GLG1: variants seen among roughly 807,000 people sequenced by gnomAD.
The protein encoded by GLG1 is golgi glycoprotein 1, also known as Golgi apparatus protein 1.
In GLG1, 38 loss-of-function variants were observed where a neutral mutation model predicts 160.5. That is an observed-to-expected ratio of 0.24 (90% CI 0.18 to 0.31). The LOEUF is 0.31. Ranked by LOEUF, GLG1 falls within the 10% of genes least tolerant of loss-of-function variation. The pLI is 1.00. For missense variants in GLG1, 1,373 were observed against 1,505.2 expected, an observed-to-expected ratio of 0.91 and a Z score of 1.45; for synonymous variants, 644 against 543.4, an observed-to-expected ratio of 1.19 and a Z score of -2.57.
chr16:74,539,892 C>A (rs2017785703), intron 1 of GLG1, among the ~76,000 whole-genome samples: 1 of 140,614 alleles, frequency 7.1e-6, no homozygotes, highest in Non-Finnish European at 1.5e-5. Context: ...AGTATAATTT[C>A]TCATCTTCTA....
intron 25 of GLG1, among the ~76,000 whole-genome samples, chr16:74,454,666 CAAAAAAAAAAAAAAAAAAAAA>C (rs58759187): frequency 2.1e-4 from 8 of 38,496 alleles, no homozygotes; most frequent in African/African-American, 3.8e-4. Flanking sequence ...AATCCGTCCC[CAAAAAAAAAAAAAAAAAAAAA>C]AAAAAAAAAA....
chr16:74,488,154 T>G (rs2015857753), intron 8 of GLG1, among the ~76,000 whole-genome samples: 1 of 151,992 alleles, frequency 6.6e-6, no homozygotes, highest in Non-Finnish European at 1.5e-5. Flanking sequence ...GAGAAATCAC[T>G]AAATCAATCA....
intron 2 of GLG1, among the ~76,000 whole-genome samples, chr16:74,522,918 A>G (rs946953284): frequency 6.6e-6 from 1 of 152,218 alleles, no homozygotes; most frequent in Admixed American, 6.5e-5. Flanking sequence ...CTCTGGGCTC[A>G]TGCAGTCCTC....
intron 1 of GLG1, 86 bp downstream of exon 1, chr16:74,606,571 C>G (rs1958571519): frequency 5.2e-6 from 6 of 1,159,222 alleles, no homozygotes; most frequent in Middle Eastern, 2.5e-4. Flanking sequence ...GGAAAGCAGC[C>G]GACCGGCGTC....
chr16:74,567,916 T>C (rs1188678287), intron 1 of GLG1, among the ~76,000 whole-genome samples: 3 of 152,104 alleles, frequency 2.0e-5, no homozygotes, highest in African/African-American at 4.8e-5. Context: ...GGCTTTCTTT[T>C]GGGGATTCAC....
intron 22 of GLG1, among the ~76,000 whole-genome samples, chr16:74,460,914 A>C (rs1193593039): frequency 1.3e-5 from 2 of 152,250 alleles, no homozygotes; most frequent in African/African-American, 4.8e-5. Context: ...CAGACTCTCA[A>C]CTTGAAAGTG....
At chr16:74,454,571 C>T (rs1408129999) in intron 25 of GLG1, among the ~76,000 whole-genome samples, 1 of 134,216 alleles carries the variant, frequency 7.5e-6, no homozygotes, top group Non-Finnish European at 1.5e-5. Flanking sequence ...GAGGCTGAGG[C>T]AGGATAATTG....
chr16:74,449,607 G>C lies in GLG1; in HGVS notation c.*3560C>G, dbSNP rs2014207223. ...CCAGGATGCATCCCCACCCTGGCCA[G>C]CTGAGTGACTCACTGTTCCCAAGAA... On this transcript the variant is annotated 3_prime_UTR_variant, in exon 26 of 26. Transcript: ENST00000422840. The C allele has an allele frequency of 6.6e-6, 1 of 152,224 alleles. No homozygotes were observed. Among genetic ancestry groups the C allele is most frequent in the African/African-American group, 2.4e-5 (1 of 41,452 alleles). The allele number at this position is 152,224 out of a possible 1,614,324, so 9.4% of individuals were successfully genotyped here. A position where few individuals can be genotyped will look rare whatever the true frequency, so the allele number is the denominator to read the frequency against.
At chr16:74,480,209 A>C in intron 11 of GLG1, 32 bp downstream of exon 11, 1 of 1,538,418 alleles carries the variant, frequency 6.5e-7, no homozygotes. Context: ...AAATGACAAG[A>C]AGAAGAAATG....
intron 2 of GLG1, among the ~76,000 whole-genome samples, chr16:74,526,583 G>A (rs1567503641): frequency 6.6e-6 from 1 of 151,504 alleles, no homozygotes; most frequent in Non-Finnish European, 1.5e-5. Context: ...AATTAGCAGG[G>A]CATGGTGGTG....
intron 1 of GLG1, among the ~76,000 whole-genome samples, chr16:74,589,595 G>C (rs369444831): frequency 6.6e-6 from 1 of 152,162 alleles, no homozygotes; most frequent in East Asian, 1.9e-4. Context: ...CGGGTGTGGG[G>C]CAGCAAGATG....
At chr16:74,479,286 T>G (rs1302272363) in intron 11 of GLG1, among the ~76,000 whole-genome samples, 4 of 143,794 alleles carry the variant, frequency 2.8e-5, no homozygotes, top group Non-Finnish European at 6.1e-5. Flanking sequence ...GAATTTCACC[T>G]CAATTTAAAA....
intron 1 of GLG1, among the ~76,000 whole-genome samples, chr16:74,585,070 A>C (rs1475469070): frequency 1.3e-5 from 2 of 152,166 alleles, no homozygotes; most frequent in African/African-American, 4.8e-5. Context: ...AATAAAAAAA[A>C]TTTTTAAAAC....
In GLG1 at chr16:74,463,417, A is replaced by G. The variant is rs1191818698; in HGVS notation, c.2730T>C (p.Ser910=). 6.2e-7 allele frequency: 1 copy of G among 1,613,722 alleles called. No individual in the cohort carries two copies. ...MLQCLKQNKN[S]ELMDPKCKQM... ...GTTTGCATTTGGGATCCATCAATTC[A>G]CTGTTTTTATTTTGCTTCAAGCACT... Residue 910 remains serine, a synonymous_variant, in exon 20 of 26, where the codon AGT becomes AGC. Coordinates refer to ENST00000422840, the MANE Select transcript of GLG1 (RefSeq NM_001145667.2).
Position 74,462,994 on chromosome 16 carries a change from C to T in GLG1, c.2791+362G>A, listed in dbSNP as rs148013219. ...CCAACTCACTGTGACCATTAACTTA[C>T]GAGGTCTTCCAACTCAGAGGTGAAA... is the stretch of plus-strand genomic sequence containing the variant. On this transcript the variant is annotated intron_variant, in intron 20 of 25. Coordinates refer to ENST00000422840, the MANE Select transcript of GLG1 (RefSeq NM_001145667.2). 1.0e-4 allele frequency: 41 copies of T among 410,896 alleles called. No individual in the cohort carries two copies. In the South Asian group the frequency reaches 1.2e-3, roughly 12 times the overall value. 25.5% of individuals were successfully genotyped at this position (410,896 alleles called of 1,614,324 possible). A position where few individuals can be genotyped will look rare whatever the true frequency, so the allele number is the denominator to read the frequency against.
chr16:74,511,584 T>TA (rs1567493600), intron 2 of GLG1, among the ~76,000 whole-genome samples: 15 of 86,996 alleles, frequency 1.7e-4, no homozygotes, highest in African/African-American at 5.0e-4. Context: ...CCTTTTTTTT[T>TA]TAAAAAAAAA....
At chr16:74,527,916 G>A (rs1177417615) in intron 2 of GLG1, among the ~76,000 whole-genome samples, 2 of 136,076 alleles carry the variant, frequency 1.5e-5, no homozygotes, top group African/African-American at 5.6e-5. Flanking sequence ...ATGGAGTCTC[G>A]TTCTGTCACC....
chr16:74,522,136 G>C (rs1366013689), intron 2 of GLG1, among the ~76,000 whole-genome samples: 2 of 152,236 alleles, frequency 1.3e-5, no homozygotes, highest in Non-Finnish European at 2.9e-5. Context: ...TAGGTTAAGG[G>C]AAAGGGAAAT....
intron 1 of GLG1, among the ~76,000 whole-genome samples, chr16:74,586,422 T>C (rs906833781): frequency 6.6e-6 from 1 of 152,210 alleles, no homozygotes; most frequent in African/African-American, 2.4e-5. Flanking sequence ...GTTGACCACC[T>C]TGACACACAA....
Sources: gnomAD v4.1 joint callset for allele counts (sites outside exome capture counted in the v4.1 genomes callset) on GRCh38, gnomAD v4.1.1 for gene constraint, MANE v1.5 for transcripts, NCBI Gene and HGNC (gene_info 2026-07-23, HGNC 2026-07-21) for gene names.